NOSIP: variants seen among roughly 807,000 people sequenced by gnomAD.
The protein encoded by NOSIP is nitric oxide synthase-interacting protein.
Under a neutral mutation model 36.4 loss-of-function variants are expected in NOSIP, and 25 were observed. The observed-to-expected ratio is 0.69, with a 90% CI of 0.50 to 0.96. The LOEUF is 0.96. Ranked by LOEUF, NOSIP falls within the 40% of genes least tolerant of loss-of-function variation. The pLI, the probability that NOSIP is intolerant of heterozygous loss-of-function variation, is 0.00. For synonymous variants in NOSIP, 187 were observed against 179.2 expected, an observed-to-expected ratio of 1.04 and a Z score of -0.35; for missense variants, 370 against 429.0, an observed-to-expected ratio of 0.86 and a Z score of 1.21.
chr19:49,556,281 G>T, intron 8 of NOSIP, 36 bp downstream of exon 8: 4 of 1,412,204 alleles, frequency 2.8e-6, no homozygotes, highest in Non-Finnish European at 3.9e-6. Flanking sequence ...GCGGGGCCTT[G>T]GAGTGCTGGG....
chr19:49,574,997 G>A (rs1329291069), intron 1 of NOSIP, among the ~76,000 whole-genome samples: 2 of 151,944 alleles, frequency 1.3e-5, no homozygotes, highest in Non-Finnish European at 2.9e-5. Flanking sequence ...CGAGTAGCTG[G>A]GACTACAGGC....
At chr19:49,568,354 T>A (rs1013730704) in intron 1 of NOSIP, among the ~76,000 whole-genome samples, 10 of 152,108 alleles carry the variant, frequency 6.6e-5, no homozygotes, top group African/African-American at 2.4e-4. Flanking sequence ...TAGTACCAGA[T>A]GTGGATGGGT....
chr19:49,568,607 C>T (rs893954446), intron 1 of NOSIP, among the ~76,000 whole-genome samples: 4 of 151,804 alleles, frequency 2.6e-5, no homozygotes, highest in African/African-American at 9.7e-5. Flanking sequence ...GTACATGAAA[C>T]TCCAGCAAAT....
chr19:49,575,335 G>A (rs1472981811), intron 1 of NOSIP, among the ~76,000 whole-genome samples: 2 of 152,056 alleles, frequency 1.3e-5, no homozygotes, highest in African/African-American at 4.8e-5. Flanking sequence ...ATCAGATTAG[G>A]GCCCCACTCT....
chr19:49,556,179 G>GA lies in NOSIP; in HGVS notation c.834+137_834+138insT. The GA allele has an allele frequency of 6.8e-6, 3 of 443,246 alleles. No homozygotes were observed. In the Admixed American group the frequency reaches 1.1e-4, roughly 16 times the overall value. 27.5% of individuals were successfully genotyped at this position (443,246 alleles called of 1,614,324 possible). On this transcript the variant is annotated intron_variant, in intron 8 of 8. Transcript: ENST00000596358. ...GCCTTGCAGGAGAAAGCGGGGGGGG[G>GA]GGGCGGCCTTACAGAGCAGAGAAGA...
intron 1 of NOSIP, among the ~76,000 whole-genome samples, chr19:49,563,896 A>G (rs2080368317): frequency 6.6e-6 from 1 of 152,200 alleles, no homozygotes; most frequent in Admixed American, 6.5e-5. Flanking sequence ...TTCCTAGGCT[A>G]TAAGAGTCCA....
chr19:49,565,979 A>T (rs1471458372), intron 1 of NOSIP, among the ~76,000 whole-genome samples: 4 of 152,068 alleles, frequency 2.6e-5, no homozygotes, highest in Non-Finnish European at 5.9e-5. Context: ...CACGTGTCCA[A>T]GGATGTTTTT....
At chr19:49,578,344 G>A (rs2080580386) in intron 1 of NOSIP, among the ~76,000 whole-genome samples, 1 of 151,952 alleles carries the variant, frequency 6.6e-6, no homozygotes, top group African/African-American at 2.4e-5. Context: ...GGCTGGTTTC[G>A]AACTCCTGAC....
At position 49,556,531 on chromosome 19, in the gene NOSIP, C is replaced by T; in HGVS notation, c.725+18G>A. 1 of 1,604,528 alleles carries T rather than the reference C, an allele frequency of 6.2e-7. No individual in the cohort carries two copies. The highest frequency in any genetic ancestry group is 2.2e-5 in the East Asian group (1 of 44,742). On this transcript the variant is annotated intron_variant, in intron 7 of 8. Transcript: ENST00000596358. Reference sequence around the variant, plus strand: ...AGGTTCCCGAGTGGTCCCTTCCCTCCCCTCCCAGGTGACTCACGAGGGCCG... The same window carrying T: ...AGGTTCCCGAGTGGTCCCTTCCCTCTCCTCCCAGGTGACTCACGAGGGCCG...
chr19:49,574,732 T>C (rs2122185473), intron 1 of NOSIP, among the ~76,000 whole-genome samples: 1 of 152,272 alleles, frequency 6.6e-6, no homozygotes, highest in East Asian at 1.9e-4. Context: ...TTCTGTTTTT[T>C]GGGAGGAGTC....
At chr19:49,579,755 C>T (rs1433720117) in intron 1 of NOSIP, among the ~76,000 whole-genome samples, 1 of 152,032 alleles carries the variant, frequency 6.6e-6, no homozygotes, top group Non-Finnish European at 1.5e-5. Context: ...GTCATGATGC[C>T]TACGATTTGT....
intron 4 of NOSIP, chr19:49,557,512 A>G (rs1425475740): frequency 1.4e-5 from 18 of 1,298,994 alleles, no homozygotes; most frequent in Admixed American, 1.0e-4. Flanking sequence ...CTTCATCTGT[A>G]AAACAGCCTA....
Position 49,579,892 on chromosome 19 carries a change from C to T in NOSIP, c.-2+623G>A, listed in dbSNP as rs537142842. On this transcript the variant is annotated intron_variant, in intron 1 of 8. Coordinates refer to ENST00000596358, the MANE Select transcript of NOSIP (RefSeq NM_001270960.2). Reference sequence around the variant, plus strand: ...AAGTTTGAACATTTTCGTAAGAAAACATTAACATCAAACTGCCTCAAGGAC... The same window carrying T: ...AAGTTTGAACATTTTCGTAAGAAAATATTAACATCAAACTGCCTCAAGGAC... Among the ~76,000 whole-genome samples the T allele has an allele frequency of 3.9e-5, 6 of 152,160 alleles. No homozygotes were observed. In the East Asian group the frequency reaches 9.6e-4, roughly 24 times the overall value.
At chr19:49,568,795 ATAGTTTGT>A (rs1253167338) in intron 1 of NOSIP, among the ~76,000 whole-genome samples, 41 of 123,222 alleles carry the variant, frequency 3.3e-4, no homozygotes, top group South Asian at 1.0e-3. Flanking sequence ...AAAAAAAAAA[ATAGTTTGT>A]TTGTTTGTTT....
In NOSIP at chr19:49,564,992, G is replaced by T. The variant is rs553270459; in HGVS notation, c.-1-4300C>A. ...GTAATTACTACACCAGAAGTTATGT[G>T]TGGGTGGGTGTGGTGGCTCACACCT... is the stretch of plus-strand genomic sequence containing the variant. On this transcript the variant is annotated intron_variant, in intron 1 of 8. Transcript: ENST00000596358. Among the ~76,000 whole-genome samples the T allele has an allele frequency of 6.6e-5, 10 of 152,258 alleles. No individual in the cohort carries two copies. The East Asian group carries it at 1.9e-3, about 29-fold the overall frequency.
At chr19:49,561,574 A>AAGTG (rs2080334886) in intron 1 of NOSIP, among the ~76,000 whole-genome samples, 1 of 152,118 alleles carries the variant, frequency 6.6e-6, no homozygotes, top group East Asian at 1.9e-4. Flanking sequence ...ACATACCATA[A>AAGTG]AATTAACCCT....
chr19:49,565,194 C>T (rs1001661280), intron 1 of NOSIP, among the ~76,000 whole-genome samples: 5 of 151,730 alleles, frequency 3.3e-5, no homozygotes, highest in African/African-American at 9.7e-5. Flanking sequence ...ATCACCTGAG[C>T]CCAGGGAGGT....
chr19:49,571,901 C>T (rs2080488889), intron 1 of NOSIP, among the ~76,000 whole-genome samples: 2 of 144,768 alleles, frequency 1.4e-5, no homozygotes, highest in African/African-American at 2.6e-5. Context: ...AGAAGAATCG[C>T]TTGAACCCAG....
At chr19:49,564,476 A>AAAAAAAAAAAAAAC (rs2080379129) in intron 1 of NOSIP, among the ~76,000 whole-genome samples, 1 of 149,342 alleles carries the variant, frequency 6.7e-6, no homozygotes, top group African/African-American at 2.5e-5. Context: ...AAAAAAAAAA[A>AAAAAAAAAAAAAAC]CAAAATAAAA....
Sources: allele counts gnomAD v4.1 joint callset (sites outside exome capture counted in the v4.1 genomes callset), GRCh38; gene constraint gnomAD v4.1.1; transcripts MANE v1.5; gene names NCBI Gene and HGNC (gene_info 2026-07-23, HGNC 2026-07-21).